The following CCDC102B variants were observed in gnomAD, a reference collection of about 807,000 sequenced individuals.
CCDC102B encodes coiled-coil domain-containing protein 102B.
A neutral mutation model predicts 57.4 loss-of-function variants in CCDC102B; 75 were observed. That is an observed-to-expected ratio of 1.31 (90% confidence interval 1.08 to 1.58). The LOEUF is 1.58. Among genes scored for constraint, CCDC102B ranks in the 40% most tolerant of loss-of-function variants. The pLI is 0.00. For synonymous variants in CCDC102B, 206 were observed against 201.9 expected, an observed-to-expected ratio of 1.02 and a Z score of -0.17; for missense variants, 636 against 582.6, an observed-to-expected ratio of 1.09 and a Z score of -0.94.
At position 68,868,664 on chromosome 18, in the gene CCDC102B, T is replaced by C. The variant is rs1363725783; in HGVS notation, c.937-6005T>C. ...ACCTGACTAACTGTAAAATACTTGC[T>C]CATATACCCTTATGCTAATTGATAT... is the stretch of plus-strand genomic sequence containing the variant. On this transcript the variant is annotated intron_variant, in intron 4 of 7. Transcript: ENST00000360242. 4.6e-5 allele frequency among the ~76,000 whole-genome samples: 7 copies of C among 152,234 alleles called. No homozygotes were observed. In the South Asian group the frequency reaches 8.3e-4, roughly 18 times the overall value.
intron 5 of CCDC102B, among the ~76,000 whole-genome samples, chr18:68,876,371 G>A (rs1447174616): frequency 1.3e-5 from 2 of 152,102 alleles, no homozygotes; most frequent in Non-Finnish European, 2.9e-5. Flanking sequence ...TTTGGGAGCT[G>A]TACAGCAAAT....
chr18:69,049,251 T>C (rs916268519), intron 7 of CCDC102B, among the ~76,000 whole-genome samples: 17 of 152,122 alleles, frequency 1.1e-4, no homozygotes, highest in African/African-American at 4.1e-4. Context: ...CCATGTGTTC[T>C]CATTGTTCAA....
upstream of CCDC102B, among the ~76,000 whole-genome samples, chr18:68,793,819 TA>T (rs1599470102): frequency 6.6e-6 from 1 of 152,298 alleles, no homozygotes; most frequent in East Asian, 1.9e-4. Context: ...GACAGGTACA[TA>T]AATCCACCAG....
chr18:68,749,594 T>A (rs1568231051), intron 2 of CCDC102B, among the ~76,000 whole-genome samples: 1 of 152,180 alleles, frequency 6.6e-6, no homozygotes. Flanking sequence ...TATTGGTGTA[T>A]AAGAATGCTT....
intron 6 of CCDC102B, among the ~76,000 whole-genome samples, chr18:68,998,747 G>A (rs186014683): frequency 1.9e-4 from 29 of 151,972 alleles, no homozygotes; most frequent in Admixed American, 1.8e-3. Context: ...GACTCAGTCA[G>A]TCTAGTCTTT....
chr18:68,828,217 C>G (rs1043505287), intron 1 of CCDC102B, among the ~76,000 whole-genome samples: 1 of 143,276 alleles, frequency 7.0e-6, no homozygotes. Flanking sequence ...ATACAATCAA[C>G]AAATAGGATC....
At chr18:68,870,142 C>A (rs1036108173) in intron 4 of CCDC102B, among the ~76,000 whole-genome samples, 4 of 151,948 alleles carry the variant, frequency 2.6e-5, no homozygotes, top group Non-Finnish European at 2.9e-5. Flanking sequence ...GGGACTTGAA[C>A]AACGAGAACA....
rs1418156171 is a variant in CCDC102B at position 68,854,610 on chromosome 18, G to A, written c.936+8189G>A. Among the ~76,000 whole-genome samples, 3 of 152,212 alleles carry A rather than the reference G, an allele frequency of 2.0e-5. No homozygotes were observed. In the East Asian group the frequency reaches 5.8e-4, roughly 29 times the overall value. ...GGTGCAGAAGTGATTATACACACTT[G>A]TAATACATGCCTCTTTGCTTATAGG... On this transcript the variant is annotated intron_variant, in intron 4 of 7. Coordinates refer to ENST00000360242, the MANE Select transcript of CCDC102B (RefSeq NM_024781.3).
intron 4 of CCDC102B, among the ~76,000 whole-genome samples, chr18:68,850,950 A>G (rs767870168): frequency 1.3e-5 from 2 of 152,162 alleles, no homozygotes; most frequent in African/African-American, 4.8e-5. Flanking sequence ...AATTTTTTTC[A>G]AAGCAACACG....
intron 6 of CCDC102B, among the ~76,000 whole-genome samples, chr18:68,915,251 G>A (rs1010570708): frequency 2.0e-5 from 3 of 152,238 alleles, no homozygotes; most frequent in South Asian, 4.1e-4. Flanking sequence ...AGCAAAATGT[G>A]AGAAGTCTTC....
chr18:68,827,978 G>A (rs974754180), intron 1 of CCDC102B, among the ~76,000 whole-genome samples: 5 of 151,732 alleles, frequency 3.3e-5, no homozygotes, highest in Non-Finnish European at 7.4e-5. Context: ...ACACAGACAC[G>A]GAGGGAAATT....
chr18:68,813,181 TTCTCTCTC>T (rs142421359), intron 1 of CCDC102B, among the ~76,000 whole-genome samples: 1 of 149,562 alleles, frequency 6.7e-6, no homozygotes. Context: ...CATTTCCCAC[TTCTCTCTC>T]TCTCTCTCTC....
intron 4 of CCDC102B, among the ~76,000 whole-genome samples, chr18:68,852,687 CTTTA>C (rs966377347): frequency 1.8e-4 from 28 of 152,192 alleles, no homozygotes; most frequent in African/African-American, 6.3e-4. Flanking sequence ...GAAGTATACA[CTTTA>C]TTTAACTTAC....
chr18:68,715,318 T>C (rs2031875560), exon 1 of CCDC102B: 2 of 1,127,154 alleles, frequency 1.8e-6, no homozygotes, highest in African/African-American at 1.7e-5. Flanking sequence ...CTGGGGCGCG[T>C]TTCCGGGAAG....
chr18:68,715,268 C>G, exon 1 of CCDC102B: 1 of 1,313,380 alleles, frequency 7.6e-7, no homozygotes, highest in South Asian at 1.7e-5. Flanking sequence ...GCGTGGGAAC[C>G]CTGCTTAAGG....
chr18:68,840,334 A>G (rs76243951), intron 3 of CCDC102B, among the ~76,000 whole-genome samples: 5,229 of 152,218 alleles, frequency 0.034, 123 homozygotes, highest in Non-Finnish European at 0.049. Context: ...TATGCATGCT[A>G]GCCATTCACA....
At chr18:69,032,558 C>T (rs1394496320) in intron 7 of CCDC102B, among the ~76,000 whole-genome samples, 12 of 152,152 alleles carry the variant, frequency 7.9e-5, no homozygotes, top group Non-Finnish European at 5.9e-5. Context: ...CATTTTATCA[C>T]ACATCTTGAT....
intron 4 of CCDC102B, among the ~76,000 whole-genome samples, chr18:68,848,003 TA>T (rs994483213): frequency 2.2e-4 from 34 of 151,880 alleles, no homozygotes; most frequent in African/African-American, 7.9e-4. Context: ...TACATATGTT[TA>T]AATTATTTTT....
chr18:69,044,189 CAGT>C (rs1256430462), intron 7 of CCDC102B, among the ~76,000 whole-genome samples: 2 of 152,114 alleles, frequency 1.3e-5, no homozygotes, highest in African/African-American at 4.8e-5. Flanking sequence ...ATCCTACTGA[CAGT>C]AGAATAGAGG....
Sources: allele counts gnomAD v4.1 joint callset (sites outside exome capture counted in the v4.1 genomes callset), GRCh38; gene constraint gnomAD v4.1.1; transcripts MANE v1.5; gene names NCBI Gene and HGNC (gene_info 2026-07-23, HGNC 2026-07-21).